PRLR: variants seen among roughly 807,000 people sequenced by gnomAD.
PRLR encodes prolactin receptor.
Under a neutral mutation model 40.2 loss-of-function variants are expected in PRLR, and 13 were observed. The observed-to-expected ratio is 0.32, with a 90% CI of 0.21 to 0.51. The LOEUF (loss-of-function observed/expected upper bound fraction) is 0.51. Ranked by LOEUF, PRLR falls within the 20% of genes least tolerant of loss-of-function variation. PRLR has a pLI of 0.97. For missense variants in PRLR, 656 were observed against 747.3 expected, an observed-to-expected ratio of 0.88 and a Z score of 1.42; for synonymous variants, 269 against 278.7, an observed-to-expected ratio of 0.97 and a Z score of 0.35.
intron 1 of PRLR, among the ~76,000 whole-genome samples, chr5:35,229,295 C>T (rs1248754799): frequency 2.6e-5 from 4 of 151,868 alleles, no homozygotes; most frequent in Admixed American, 2.0e-4. Context: ...AAATCTTGCC[C>T]GGTCAACTTG....
chr5:35,175,031 T>C (rs2111958254), intron 1 of PRLR, among the ~76,000 whole-genome samples: 1 of 152,338 alleles, frequency 6.6e-6, no homozygotes, highest in Non-Finnish European at 1.5e-5. Context: ...CCCATACTTT[T>C]AGGTATCAGT....
chr5:35,055,605 T>C (rs1005938977), downstream of PRLR: 1 of 152,156 alleles, frequency 6.6e-6, no homozygotes, highest in African/African-American at 2.4e-5. Context: ...TCTATTCTAA[T>C]AAATTTTGTT....
intron 3 of PRLR, among the ~76,000 whole-genome samples, chr5:35,088,097 G>A (rs186790602): frequency 2.4e-4 from 36 of 152,282 alleles, no homozygotes; most frequent in Non-Finnish European, 4.3e-4. Context: ...GATTCTCTAG[G>A]CAGAGCTGGC....
intron 1 of PRLR, among the ~76,000 whole-genome samples, chr5:35,226,384 T>C (rs1776549217): frequency 1.3e-5 from 2 of 152,224 alleles, no homozygotes. Context: ...TGATGACTCT[T>C]GGTTTCTTCA....
chr5:35,204,438 A>G (rs1775961971), intron 1 of PRLR, among the ~76,000 whole-genome samples: 1 of 152,076 alleles, frequency 6.6e-6, no homozygotes, highest in African/African-American at 2.4e-5. Context: ...TCTAATAAGC[A>G]GCAGAGGGTA....
intron 1 of PRLR, among the ~76,000 whole-genome samples, chr5:35,197,575 T>C (rs904353502): frequency 2.0e-5 from 3 of 152,216 alleles, no homozygotes; most frequent in Non-Finnish European, 4.4e-5. Flanking sequence ...CTCACACTAG[T>C]CCTTCCTCCC....
At chr5:35,214,350 G>A (rs1012023522) in intron 1 of PRLR, among the ~76,000 whole-genome samples, 1 of 152,194 alleles carries the variant, frequency 6.6e-6, no homozygotes, top group Non-Finnish European at 1.5e-5. Flanking sequence ...AATGTACAAA[G>A]CACCAAATCA....
intron 1 of PRLR, among the ~76,000 whole-genome samples, chr5:35,168,949 C>A (rs1176164690): frequency 6.6e-6 from 1 of 152,142 alleles, no homozygotes; most frequent in Non-Finnish European, 1.5e-5. Flanking sequence ...CTGGATCCCA[C>A]ACCTCAAACC....
rs1409524243 is a variant in PRLR at position 35,064,534 on chromosome 5, A to G, written c.*555T>C. ...TGGAGGCATTATTTCTTACTTGCAT[A>G]TCAGCAATGTGTCAGTAAGGTATAG... On this transcript the variant is annotated 3_prime_UTR_variant, in exon 10 of 10. Coordinates refer to ENST00000618457, the MANE Select transcript of PRLR (RefSeq NM_000949.7). 2 of 152,714 alleles carry G rather than the reference A, an allele frequency of 1.3e-5. No homozygotes were observed. Among genetic ancestry groups the G allele is most frequent in the Non-Finnish European group, 2.9e-5 (2 of 68,082 alleles). The allele number at this position is 152,714 out of a possible 1,614,324, so 9.5% of individuals were successfully genotyped here.
At chr5:35,173,796 G>A (rs113046304) in intron 1 of PRLR, among the ~76,000 whole-genome samples, 79 of 152,178 alleles carry the variant, frequency 5.2e-4, no homozygotes, top group African/African-American at 1.8e-3. Flanking sequence ...TTCCTTTAAA[G>A]GGTAGTTTTT....
rs551123239 is a variant in PRLR at position 35,102,065 on chromosome 5, T to G, written c.-43-12402A>C. ...GGGTGGTCTCCATCTCTTGACCTCG[T>G]GATCTACCCGCCTCGGCCTCCCAAA... is the stretch of plus-strand genomic sequence containing the variant. On this transcript the variant is annotated intron_variant, in intron 2 of 9. Coordinates refer to ENST00000618457, the MANE Select transcript of PRLR (RefSeq NM_000949.7). Among the ~76,000 whole-genome samples, 6 of 151,916 alleles carry G rather than the reference T, an allele frequency of 3.9e-5. No individual in the cohort carries two copies. In the East Asian group the frequency reaches 1.2e-3, roughly 29 times the overall value.
intron 1 of PRLR, among the ~76,000 whole-genome samples, chr5:35,129,337 T>C (rs1448794157): frequency 6.6e-6 from 1 of 152,222 alleles, no homozygotes; most frequent in Non-Finnish European, 1.5e-5. Flanking sequence ...TTGTATCCTT[T>C]GGATTGAAAT....
intron 3 of PRLR, among the ~76,000 whole-genome samples, chr5:35,088,276 T>A (rs1462268438): frequency 6.6e-6 from 1 of 152,188 alleles, no homozygotes; most frequent in Non-Finnish European, 1.5e-5. Flanking sequence ...ACATTGCTCA[T>A]CCTCTAGGAA....
intron 1 of PRLR, among the ~76,000 whole-genome samples, chr5:35,225,810 T>C (rs796892813): frequency 1.4e-4 from 21 of 152,260 alleles, no homozygotes; most frequent in African/African-American, 4.8e-4. Context: ...GCCTCCCAAG[T>C]AGCTGGGATT....
At position 35,229,936 on chromosome 5, in the gene PRLR, T is replaced by C. The variant is rs576101528; in HGVS notation, c.-106+332A>G. Reference sequence around the variant, plus strand: ...CAACGCCGAAACTCATGCTCAAGGATACAGGTGAAGATGCCTTTGACAAAG... The same window carrying C: ...CAACGCCGAAACTCATGCTCAAGGACACAGGTGAAGATGCCTTTGACAAAG... On this transcript the variant is annotated intron_variant, in intron 1 of 9. Coordinates refer to ENST00000618457, the MANE Select transcript of PRLR (RefSeq NM_000949.7). Among the ~76,000 whole-genome samples the C allele has an allele frequency of 2.0e-5, 3 of 152,312 alleles. No homozygotes were observed. The South Asian group carries it at 6.2e-4, about 32-fold the overall frequency.
chr5:35,187,278 G>A (rs1446068971), intron 1 of PRLR, among the ~76,000 whole-genome samples: 14 of 152,004 alleles, frequency 9.2e-5, no homozygotes, highest in African/African-American at 1.7e-4. Flanking sequence ...GTGCATGCCT[G>A]TATTCCCAGC....
intron 1 of PRLR, among the ~76,000 whole-genome samples, chr5:35,141,636 T>C (rs1774028270): frequency 6.6e-6 from 1 of 152,198 alleles, no homozygotes; most frequent in South Asian, 2.1e-4. Flanking sequence ...TTCAGGTGTG[T>C]CTAGAAACAT....
At chr5:35,207,933 G>T (rs1047306305) in intron 1 of PRLR, among the ~76,000 whole-genome samples, 6 of 152,104 alleles carry the variant, frequency 3.9e-5, no homozygotes, top group African/African-American at 1.4e-4. Flanking sequence ...AACCAGTGTG[G>T]TGTTGGCCCA....
chr5:35,064,966 G>T lies in PRLR; in HGVS notation c.*123C>A. On this transcript the variant is annotated 3_prime_UTR_variant, in exon 10 of 10. Coordinates refer to ENST00000618457, the MANE Select transcript of PRLR (RefSeq NM_000949.7). ...AAAGAGGCAAGTGGTTAAAAATGGA[G>T]CATGAAAGGAGCTGGGAGCTTTAGT... 1 of 1,075,558 alleles carries T rather than the reference G, an allele frequency of 9.3e-7. No individual in the cohort carries two copies. The highest frequency in any genetic ancestry group is 1.3e-6 in the Non-Finnish European group (1 of 757,652). The allele number at this position is 1,075,558 out of a possible 1,614,324, so 66.6% of individuals were successfully genotyped here.
Sources: allele counts gnomAD v4.1 joint callset (sites outside exome capture counted in the v4.1 genomes callset), GRCh38; gene constraint gnomAD v4.1.1; transcripts MANE v1.5; gene names NCBI Gene and HGNC (gene_info 2026-07-23, HGNC 2026-07-21).